EYA1: variants seen among roughly 807,000 people sequenced by gnomAD.
EYA1 encodes the protein EYA transcriptional coactivator and phosphatase 1, also known as protein phosphatase EYA1.
In EYA1, 16 loss-of-function variants were observed where a neutral mutation model predicts 82.0. The observed-to-expected ratio is 0.20, with a 90% CI of 0.13 to 0.30. The LOEUF (loss-of-function observed/expected upper bound fraction) is 0.30. EYA1 is among the 10% of genes least tolerant of loss of function. The pLI, the probability that EYA1 is intolerant of heterozygous loss-of-function variation, is 1.00. For synonymous variants in EYA1, 261 were observed against 264.4 expected, an observed-to-expected ratio of 0.99 and a Z score of 0.12; for missense variants, 633 against 730.7, an observed-to-expected ratio of 0.87 and a Z score of 1.54.
chr8:71,256,737 T>A (rs927913634), intron 11 of EYA1, among the ~76,000 whole-genome samples: 39 of 152,328 alleles, frequency 2.6e-4, no homozygotes, highest in African/African-American at 8.9e-4. Flanking sequence ...CGGTGGCTCA[T>A]GCCTATAATC....
In EYA1 at chr8:71,378,266, T is replaced by C. The variant is rs116578683; in HGVS notation, c.34-21755A>G. Among the ~76,000 whole-genome samples the C allele has an allele frequency of 9.0e-3, 1,374 of 152,070 alleles. 24 individuals are homozygous for C. Among genetic ancestry groups the C allele is most frequent in the African/African-American group, 0.032 (1,313 of 41,458 alleles). On this transcript the variant is annotated intron_variant, in intron 2 of 18. Coordinates refer to the EYA1 transcript ENST00000643681. ...CTAAGGAAGATATTAATAGAAGATA[T>C]GATGTAAGGGAAGACCCTTTAAGAT...
At chr8:71,336,847 C>T (rs1824546219) in intron 3 of EYA1, among the ~76,000 whole-genome samples, 1 of 152,168 alleles carries the variant, frequency 6.6e-6, no homozygotes, top group Admixed American at 6.5e-5. Flanking sequence ...ATGATTTTAT[C>T]AGGTACTGTA....
At chr8:71,326,212 G>A (rs1474970316) in intron 4 of EYA1, among the ~76,000 whole-genome samples, 4 of 152,152 alleles carry the variant, frequency 2.6e-5, no homozygotes, top group African/African-American at 9.7e-5. Context: ...ACTGGGAAGA[G>A]CAAAAGAACT....
At chr8:71,298,608 A>C (rs1464375220) in intron 9 of EYA1, among the ~76,000 whole-genome samples, 1 of 152,228 alleles carries the variant, frequency 6.6e-6, no homozygotes, top group African/African-American at 2.4e-5. Flanking sequence ...GGGAAAGCAG[A>C]GGCTCACTTT....
intron 2 of EYA1, among the ~76,000 whole-genome samples, chr8:71,527,461 A>G (rs947593761): frequency 1.3e-5 from 2 of 152,202 alleles, no homozygotes; most frequent in Admixed American, 1.3e-4. Flanking sequence ...GAGAGAGAGT[A>G]AACAGTCACA....
chr8:71,390,475 C>A (rs747164790), intron 2 of EYA1, among the ~76,000 whole-genome samples: 41 of 152,030 alleles, frequency 2.7e-4, no homozygotes, highest in Non-Finnish European at 4.7e-4. Flanking sequence ...GCTGCTCAGG[C>A]TGGTTTTGAA....
chr8:71,411,947 T>C (rs1316458381), intron 2 of EYA1, among the ~76,000 whole-genome samples: 1 of 151,356 alleles, frequency 6.6e-6, no homozygotes, highest in South Asian at 2.1e-4. Context: ...TATTGCAGCA[T>C]TATTCACAAT....
intron 4 of EYA1, among the ~76,000 whole-genome samples, chr8:71,326,469 T>C (rs971980659): frequency 2.0e-5 from 3 of 152,078 alleles, no homozygotes; most frequent in African/African-American, 4.8e-5. Context: ...AAGAAGCACC[T>C]CCTGATTCTT....
Position 71,322,402 on chromosome 8 carries a change from G to A in EYA1, c.203-134C>T, listed in dbSNP as rs149394358. On this transcript the variant is annotated intron_variant, in intron 4 of 17. Transcript: ENST00000340726. ...AGATATTTGGTCTTTGTGACCTGCGGAGATGGAAATTTCATATGGTTCCAC... is the reference window on the plus strand; with the variant it reads ...AGATATTTGGTCTTTGTGACCTGCGAAGATGGAAATTTCATATGGTTCCAC... 3.3e-3 allele frequency: 2,462 copies of A among 749,230 alleles called. 9 individuals carry two copies. The highest frequency in any genetic ancestry group is 5.1e-3 in the Middle Eastern group (21 of 4,142). 46.4% of individuals were successfully genotyped at this position (749,230 alleles called of 1,614,324 possible).
At chr8:71,451,960 G>A (rs972519006) in intron 2 of EYA1, among the ~76,000 whole-genome samples, 1 of 152,202 alleles carries the variant, frequency 6.6e-6, no homozygotes, top group Non-Finnish European at 1.5e-5. Flanking sequence ...TTGAGCCAAA[G>A]CAGGGTGAGG....
chr8:71,327,896 G>A (rs114224650), intron 4 of EYA1, among the ~76,000 whole-genome samples: 2,226 of 131,428 alleles, frequency 0.017, 69 homozygotes, highest in African/African-American at 0.061. Context: ...TCACCCTGTC[G>A]CCCTGGCTAG....
At chr8:71,226,428 C>A (rs1272784748) in intron 12 of EYA1, among the ~76,000 whole-genome samples, 1 of 151,592 alleles carries the variant, frequency 6.6e-6, no homozygotes, top group African/African-American at 2.4e-5. Context: ...GCCTTCTTTA[C>A]CACATGATAT....
At chr8:71,355,740 GC>G (rs1171783955) in intron 2 of EYA1, among the ~76,000 whole-genome samples, 1 of 152,132 alleles carries the variant, frequency 6.6e-6, no homozygotes, top group Non-Finnish European at 1.5e-5. Context: ...CCAGTTAAAT[GC>G]CCTCTGAAAG....
chr8:71,471,239 T>C (rs573284796), intron 2 of EYA1, among the ~76,000 whole-genome samples: 2 of 151,934 alleles, frequency 1.3e-5, no homozygotes, highest in South Asian at 4.1e-4. Context: ...TGAACACAAA[T>C]AGAAAACAAT....
At chr8:71,208,667 A>G (rs1334738668) in intron 17 of EYA1, among the ~76,000 whole-genome samples, 1 of 152,144 alleles carries the variant, frequency 6.6e-6, no homozygotes, top group Non-Finnish European at 1.5e-5. Context: ...AACATGGCAC[A>G]TGTATACCTA....
At chr8:71,419,564 T>G (rs1831032974) in intron 2 of EYA1, among the ~76,000 whole-genome samples, 1 of 152,280 alleles carries the variant, frequency 6.6e-6, no homozygotes, top group Non-Finnish European at 1.5e-5. Flanking sequence ...AAAGTGACAG[T>G]TGAAAGAAAC....
chr8:71,203,605 G>A (rs1249718287), intron 17 of EYA1, among the ~76,000 whole-genome samples: 1 of 152,124 alleles, frequency 6.6e-6, no homozygotes, highest in African/African-American at 2.4e-5. Context: ...TCGTAGAGAT[G>A]TTAAGGAGGT....
Position 71,354,777 on chromosome 8 carries a change from C to G in EYA1, c.124+5G>C, listed in dbSNP as rs767868001. 3 of 1,612,702 alleles carry G rather than the reference C, an allele frequency of 1.9e-6. No homozygotes were observed. Among genetic ancestry groups the G allele is most frequent in the Non-Finnish European group, 2.5e-6 (3 of 1,179,032 alleles). On this transcript the variant is annotated splice_donor_5th_base_variant and intron_variant, in intron 3 of 17. Transcript: ENST00000340726. Reference sequence around the variant, plus strand: ...AAAGTAAATAGTGAGAAGGCAGACACTCACCTTCGGTGCCATTGGGAGTCA... The same window carrying G: ...AAAGTAAATAGTGAGAAGGCAGACAGTCACCTTCGGTGCCATTGGGAGTCA...
chr8:71,344,387 T>C (rs1216644976), intron 3 of EYA1, among the ~76,000 whole-genome samples: 1 of 152,208 alleles, frequency 6.6e-6, no homozygotes, highest in African/African-American at 2.4e-5. Context: ...AGTAATAATT[T>C]TAACTGTAGT....
Sources: gnomAD v4.1 joint callset for allele counts (sites outside exome capture counted in the v4.1 genomes callset) on GRCh38, gnomAD v4.1.1 for gene constraint, MANE v1.5 for transcripts, NCBI Gene and HGNC (gene_info 2026-07-23, HGNC 2026-07-21) for gene names.